RAD51B: variants seen among roughly 807,000 people sequenced by gnomAD.
RAD51B encodes DNA repair protein RAD51 homolog 2.
Under a neutral mutation model 42.2 loss-of-function variants are expected in RAD51B, and 38 were observed. The observed-to-expected ratio is 0.90, with a 90% CI of 0.70 to 1.18. The LOEUF (loss-of-function observed/expected upper bound fraction) is 1.18, where lower values mean the gene tolerates loss of function less well. RAD51B is among the 50% of genes most tolerant of loss of function. The probability of loss-of-function intolerance (pLI) is 0.00; values close to 1 mark genes in which losing one functional copy is unlikely to be tolerated. For synonymous variants in RAD51B, 154 were observed against 145.2 expected (o/e 1.06, Z -0.43); for missense variants, 373 against 400.7 (o/e 0.93, Z 0.59).
intron 5 of RAD51B, among the ~76,000 whole-genome samples, chr14:67,879,193 G>T (rs963038768): frequency 1.3e-5 from 2 of 152,244 alleles, no homozygotes; most frequent in African/African-American, 4.8e-5. Flanking sequence ...CTAAGCTGTA[G>T]TCCATAGGTG....
At chr14:68,635,026 C>T (rs1029029620) in intron 10 of RAD51B, among the ~76,000 whole-genome samples, 1 of 152,202 alleles carries the variant, frequency 6.6e-6, no homozygotes, top group African/African-American at 2.4e-5. Flanking sequence ...TGGGAGCCTC[C>T]GGTGACAGGG....
chr14:68,300,751 G>A (rs1211806509), intron 8 of RAD51B, among the ~76,000 whole-genome samples: 1 of 152,066 alleles, frequency 6.6e-6, no homozygotes, highest in Non-Finnish European at 1.5e-5. Context: ...TTATTATCTG[G>A]TGAGATATGA....
chr14:68,471,238 C>T (rs1016493577), intron 10 of RAD51B, among the ~76,000 whole-genome samples: 1 of 152,144 alleles, frequency 6.6e-6, no homozygotes, highest in African/African-American at 2.4e-5. Context: ...GGCCGACATT[C>T]GGTCTTCAAT....
At chr14:68,519,398 A>T (rs1005991889) in intron 10 of RAD51B, among the ~76,000 whole-genome samples, 1 of 152,226 alleles carries the variant, frequency 6.6e-6, no homozygotes, top group Non-Finnish European at 1.5e-5. Context: ...AATTCAATAA[A>T]GTTTGAGACT....
At position 68,477,787 on chromosome 14, in the gene RAD51B, G is replaced by T. The variant is rs35948063; in HGVS notation, c.*123G>T. ...GGGGATTAATTAGTTGATTGCTGTTGAGATGGTAACAGATTTGCTCCTAAA... is the reference window on the plus strand; with the variant it reads ...GGGGATTAATTAGTTGATTGCTGTTTAGATGGTAACAGATTTGCTCCTAAA... On this transcript the variant is annotated 3_prime_UTR_variant, in exon 11 of 11. Transcript: ENST00000471583. 6.5e-7 allele frequency: 1 copy of T among 1,535,772 alleles called. No homozygotes were observed.
rs777784360 is a variant in RAD51B at position 67,825,545 on chromosome 14, G to A, written c.166G>A (p.Val56Ile). ...AGGTGTCCATGAACTTCTATGTATGGTCAGCAGGGCCTGTGCCCCAAAGAT... is the reference window on the plus strand; with the variant it reads ...AGGTGTCCATGAACTTCTATGTATGATCAGCAGGGCCTGTGCCCCAAAGAT... ...YRGVHELLCM[V>I]SRACAPKMQT... Residue 56 changes from valine to isoleucine, a missense_variant, in exon 3 of 11, where the codon GTC (valine) becomes ATC (isoleucine). Val to Ile is a conservative substitution (Grantham distance 29). Coordinates refer to ENST00000471583, the MANE Select transcript of RAD51B (RefSeq NM_133510.4). 1 of 1,612,882 alleles carries A rather than the reference G, an allele frequency of 6.2e-7. No individual in the cohort carries two copies. Among genetic ancestry groups the A allele is most frequent in the Non-Finnish European group, 8.5e-7 (1 of 1,179,214 alleles).
chr14:68,136,185 C>T (rs925090931), intron 7 of RAD51B, among the ~76,000 whole-genome samples: 11 of 152,232 alleles, frequency 7.2e-5, no homozygotes, highest in East Asian at 1.9e-4. Context: ...AAGAATCAAA[C>T]GTCTGAATTG....
chr14:67,894,231 C>T (rs1333412288), intron 7 of RAD51B, among the ~76,000 whole-genome samples: 1 of 152,148 alleles, frequency 6.6e-6, no homozygotes, highest in East Asian at 1.9e-4. Flanking sequence ...TACCTCGTTC[C>T]AGATGCCTGG....
chr14:68,534,005 G>A (rs2140354703), intron 10 of RAD51B, among the ~76,000 whole-genome samples: 1 of 152,282 alleles, frequency 6.6e-6, no homozygotes, highest in East Asian at 1.9e-4. Context: ...ACAAGGACAT[G>A]CGAGGAGGTG....
chr14:67,966,788 C>T (rs991385800), intron 7 of RAD51B, among the ~76,000 whole-genome samples: 72 of 152,208 alleles, frequency 4.7e-4, no homozygotes, highest in African/African-American at 1.6e-3. Flanking sequence ...TGACTCTGCC[C>T]GTAGATCTTG....
rs1000141790 is a variant in RAD51B, at chr14:67,887,085, G to T, written c.637G>T (p.Ala213Ser). ...GIKLVILDSV[A>S]SVVRKEFDAQ... is the part of the protein sequence containing the mutation. ...TAAACTTGTGATTCTTGACTCTGTT[G>T]CTTCTGTGGTCAGAAAGGAGTTTGA... Residue 213 changes from alanine (A) to serine (S), a missense_variant, in exon 7 of 11, where the codon GCT (alanine) becomes TCT (serine). Physicochemically the swap from Ala to Ser is moderately conservative, Grantham distance 99 (BLOSUM62 1). Transcript: ENST00000471583. 35 of 1,583,208 alleles carry T rather than the reference G, an allele frequency of 2.2e-5. No individual in the cohort carries two copies. The East Asian group carries it at 7.9e-4, about 36-fold the overall frequency.
At chr14:68,378,231 A>G (rs913904690) in intron 8 of RAD51B, among the ~76,000 whole-genome samples, 1 of 152,202 alleles carries the variant, frequency 6.6e-6, no homozygotes, top group African/African-American at 2.4e-5. Context: ...TAAGTCTTTT[A>G]GCACATGGGC....
At chr14:67,981,266 C>T (rs1280880442) in intron 7 of RAD51B, among the ~76,000 whole-genome samples, 2 of 151,868 alleles carry the variant, frequency 1.3e-5, no homozygotes, top group African/African-American at 4.8e-5. Flanking sequence ...TATTATGTGT[C>T]AACTAAAAAT....
At chr14:68,190,393 A>T (rs932996349) in intron 7 of RAD51B, among the ~76,000 whole-genome samples, 6 of 152,212 alleles carry the variant, frequency 3.9e-5, no homozygotes, top group African/African-American at 1.4e-4. Flanking sequence ...ACAGATTTTT[A>T]AAAATGTATA....
intron 8 of RAD51B, among the ~76,000 whole-genome samples, chr14:68,408,420 T>C (rs1159414893): frequency 6.6e-6 from 1 of 152,216 alleles, no homozygotes; most frequent in Non-Finnish European, 1.5e-5. Flanking sequence ...AGACTTGCAG[T>C]TCTTGTGGTT....
chr14:68,572,077 C>T (rs560934545), intron 10 of RAD51B, among the ~76,000 whole-genome samples: 55 of 152,320 alleles, frequency 3.6e-4, no homozygotes, highest in African/African-American at 1.3e-3. Context: ...CAGTGTGTGG[C>T]TGTTTCATAC....
intron 7 of RAD51B, among the ~76,000 whole-genome samples, chr14:67,896,838 T>C (rs1369210122): frequency 1.3e-5 from 2 of 152,170 alleles, no homozygotes; most frequent in Non-Finnish European, 2.9e-5. Context: ...GGAAAATACT[T>C]TCTGATAAGA....
At chr14:68,306,034 A>T (rs2081853738) in intron 8 of RAD51B, among the ~76,000 whole-genome samples, 1 of 152,154 alleles carries the variant, frequency 6.6e-6, no homozygotes, top group Admixed American at 6.5e-5. Flanking sequence ...TCTTGTGCTG[A>T]TCATCTTGGT....
chr14:68,438,875 T>C (rs2085211068), intron 9 of RAD51B, among the ~76,000 whole-genome samples: 1 of 152,112 alleles, frequency 6.6e-6, no homozygotes, highest in Non-Finnish European at 1.5e-5. Flanking sequence ...GGGAGTGGCA[T>C]CAGTAGCTAA....
Sources: gnomAD v4.1 joint callset for allele counts (sites outside exome capture counted in the v4.1 genomes callset) on GRCh38, gnomAD v4.1.1 for gene constraint, MANE v1.5 for transcripts, NCBI Gene and HGNC (gene_info 2026-07-23, HGNC 2026-07-21) for gene names.